Variants in PAPPA observed in about 807,000 individuals in gnomAD.
The protein encoded by PAPPA is pappalysin 1.
PAPPA carries 60 observed loss-of-function variants against 164.0 expected under a neutral mutation model. The observed-to-expected ratio is 0.37, with a 90% confidence interval of 0.30 to 0.45. The LOEUF is 0.45. PAPPA is among the 20% of genes least tolerant of loss of function. The pLI is 1.00. For synonymous variants in PAPPA, 875 were observed against 814.1 expected (o/e 1.07, Z -1.27); for missense variants, 1,782 against 2,087.3 (o/e 0.85, Z 2.85).
At chr9:116,182,112 G>A (rs1843913207) in intron 1 of PAPPA, among the ~76,000 whole-genome samples, 1 of 152,158 alleles carries the variant, frequency 6.6e-6, no homozygotes, top group South Asian at 2.1e-4. Flanking sequence ...TGTTGCTTTG[G>A]GCAACCATTT....
At chr9:116,236,030 T>C (rs780362452) in intron 7 of PAPPA, among the ~76,000 whole-genome samples, 1 of 152,202 alleles carries the variant, frequency 6.6e-6, no homozygotes, top group Non-Finnish European at 1.5e-5. Flanking sequence ...AGACAATTTA[T>C]GCATTTTGAT....
At chr9:116,258,599 T>G (rs913476083) in intron 7 of PAPPA, among the ~76,000 whole-genome samples, 1 of 151,476 alleles carries the variant, frequency 6.6e-6, no homozygotes, top group African/African-American at 2.4e-5. Context: ...GAGGTTGAGG[T>G]GAGCCGAGAT....
At chr9:116,156,334 G>GTGTATATATATATATGTGTATA in intron 1 of PAPPA, among the ~76,000 whole-genome samples, 1 of 139,588 alleles carries the variant, frequency 7.2e-6, no homozygotes, top group South Asian at 2.2e-4. Flanking sequence ...ATATATATGT[G>GTGTATATATATATATGTGTATA]TATATATATA....
At chr9:116,382,885 G>A (rs1255487894) in intron 21 of PAPPA, among the ~76,000 whole-genome samples, 2 of 152,134 alleles carry the variant, frequency 1.3e-5, no homozygotes, top group Non-Finnish European at 2.9e-5. Flanking sequence ...CAAAAGAACG[G>A]TGTCTGGAGC....
Position 116,339,348 on chromosome 9 carries a change from C to T in PAPPA, c.3611+4274C>T, listed in dbSNP as rs568968357. 7.9e-5 allele frequency among the ~76,000 whole-genome samples: 12 copies of T among 152,194 alleles called. No homozygotes were observed. The South Asian group carries it at 2.5e-3, about 32-fold the overall frequency. ...CTCTGCTCTTTGGCCAGGCACATAC[C>T]CTCTCCTCGACACACCCCACTCAGC... is the stretch of plus-strand genomic sequence containing the variant. On this transcript the variant is annotated intron_variant, in intron 13 of 21. Transcript: ENST00000328252.
Position 116,227,421 on chromosome 9 carries a change from G to A in PAPPA, c.2112-10G>A. The A allele has an allele frequency of 6.2e-7, 1 of 1,613,814 alleles. No individual in the cohort carries two copies. Among genetic ancestry groups the A allele is most frequent in the Non-Finnish European group, 8.5e-7 (1 of 1,179,822 alleles). ...GTCGGTGCATTTTCCCTCTTTCCTT[G>A]GCCTCCTAGAGAATTGGGATCAGCA... On this transcript the variant is annotated splice_polypyrimidine_tract_variant and intron_variant, in intron 5 of 21. Transcript: ENST00000328252.
Position 116,154,458 on chromosome 9 carries a change from G to A in PAPPA, c.286G>A (p.Ala96Thr). 1.6e-6 allele frequency: 2 copies of A among 1,286,862 alleles called. No homozygotes were observed. Among genetic ancestry groups the A allele is most frequent in the Non-Finnish European group, 2.0e-6 (2 of 1,018,024 alleles). 79.7% of individuals were successfully genotyped at this position (1,286,862 alleles called of 1,614,324 possible). ...ATEEPSPPSR[A>T]LYFSGRGEQL... is the part of the protein sequence containing the mutation. ...CGAGGAGCCGAGCCCGCCGAGCCGGGCGCTCTATTTCAGCGGGCGAGGCGA... is the reference window on the plus strand; with the variant it reads ...CGAGGAGCCGAGCCCGCCGAGCCGGACGCTCTATTTCAGCGGGCGAGGCGA... Residue 96 changes from alanine (A) to threonine (T), a missense_variant, in exon 1 of 22, where the codon GCG becomes ACG. Physicochemically the swap from Ala to Thr is moderately conservative, Grantham distance 58. This residue lies in a region of PAPPA where 458 missense variants were observed against 430.3 expected (regional missense o/e 1.06). Coordinates refer to ENST00000328252, the MANE Select transcript of PAPPA (RefSeq NM_002581.5). This position sits in a 1 kb window ranked among gnomAD's most constrained non-coding sequence, Gnocchi z 5.2.
chr9:116,175,550 G>A (rs1843824604), intron 1 of PAPPA, among the ~76,000 whole-genome samples: 2 of 152,086 alleles, frequency 1.3e-5, no homozygotes, highest in South Asian at 4.1e-4. Flanking sequence ...CTTAAAAGAA[G>A]AAGAAAAGCT....
intron 9 of PAPPA, among the ~76,000 whole-genome samples, chr9:116,294,761 C>T (rs765254965): frequency 2.6e-5 from 4 of 152,164 alleles, no homozygotes; most frequent in African/African-American, 9.7e-5. Context: ...GAACCCATCT[C>T]TAAATAAACA....
intron 1 of PAPPA, among the ~76,000 whole-genome samples, chr9:116,174,714 T>A (rs1333725876): frequency 6.6e-6 from 1 of 152,106 alleles, no homozygotes; most frequent in African/African-American, 2.4e-5. Flanking sequence ...TAGATTAATT[T>A]CTTTTAGAAT....
chr9:116,375,687 T>C (rs1188288956), intron 19 of PAPPA, among the ~76,000 whole-genome samples: 1 of 152,212 alleles, frequency 6.6e-6, no homozygotes, highest in African/African-American at 2.4e-5. Flanking sequence ...GGTCACCTGA[T>C]TCCCTCTGTC....
rs936965269 is a variant in PAPPA at position 116,181,382 on chromosome 9, T to C, written c.416-5772T>C. 3.3e-5 allele frequency among the ~76,000 whole-genome samples: 5 copies of C among 152,224 alleles called. No individual in the cohort carries two copies. The South Asian group carries it at 8.4e-4, about 25-fold the overall frequency. On this transcript the variant is annotated intron_variant, in intron 1 of 21. Coordinates refer to ENST00000328252, the MANE Select transcript of PAPPA (RefSeq NM_002581.5). ...TCTCTCTCTCTCACTGGTTTCCAGA[T>C]GGTCATCTTTTCCTTGTATCTTCAC...
chr9:116,326,950 G>A (rs1363865114), intron 10 of PAPPA, among the ~76,000 whole-genome samples: 1 of 152,170 alleles, frequency 6.6e-6, no homozygotes, highest in Non-Finnish European at 1.5e-5. Flanking sequence ...TCCATTGTGT[G>A]TATATATCAC....
intron 14 of PAPPA, among the ~76,000 whole-genome samples, chr9:116,345,452 A>C (rs1846195406): frequency 2.1e-5 from 3 of 143,500 alleles, no homozygotes; most frequent in Admixed American, 7.1e-5. Context: ...AAAAAAAAAA[A>C]ACATGCCACA....
Position 116,374,467 on chromosome 9 carries a change from C to T in PAPPA, c.4606-3109C>T, listed in dbSNP as rs181940421. ...AGCTCCCACTGCCTGTCCCCTTTCC[C>T]AGTTCTAGCACACAGAGGGGTCCTG... On this transcript the variant is annotated intron_variant, in intron 19 of 21. Coordinates refer to ENST00000328252, the MANE Select transcript of PAPPA (RefSeq NM_002581.5). Among the ~76,000 whole-genome samples the T allele has an allele frequency of 4.1e-4, 63 of 152,288 alleles. No homozygotes were observed. In the South Asian group the frequency reaches 7.1e-3, roughly 17 times the overall value.
chr9:116,207,287 G>A (rs1298970450), intron 2 of PAPPA, among the ~76,000 whole-genome samples, 169 bp from the exon 3 acceptor site: 1 of 152,126 alleles, frequency 6.6e-6, no homozygotes, highest in Non-Finnish European at 1.5e-5. Context: ...TTTATGATCT[G>A]TAAAATGGAA....
At chr9:116,340,228 T>A (rs1291994495) in intron 13 of PAPPA, among the ~76,000 whole-genome samples, 1 of 152,260 alleles carries the variant, frequency 6.6e-6, no homozygotes, top group Non-Finnish European at 1.5e-5. Context: ...TATTTTGTTT[T>A]CCTTGTTTTG....
intron 2 of PAPPA, among the ~76,000 whole-genome samples, chr9:116,201,517 G>A (rs1257249340): frequency 6.6e-6 from 1 of 152,184 alleles, no homozygotes; most frequent in African/African-American, 2.4e-5. Context: ...AACCCAACAG[G>A]CACTGGGAGC....
At chr9:116,210,009 A>G (rs546754021) in intron 3 of PAPPA, among the ~76,000 whole-genome samples, 1 of 152,148 alleles carries the variant, frequency 6.6e-6, no homozygotes, top group Admixed American at 6.5e-5. Flanking sequence ...ATTTATTACA[A>G]CCATATTTTT....
Sources: allele counts gnomAD v4.1 joint callset (sites outside exome capture counted in the v4.1 genomes callset), GRCh38; gene constraint gnomAD v4.1.1; regional missense constraint gnomAD v4.1.1; non-coding constraint Gnocchi (gnomAD v3.1); transcripts MANE v1.5; gene names NCBI Gene and HGNC (gene_info 2026-07-23, HGNC 2026-07-21).